The following CAPRIN1 variants were observed in gnomAD, a reference collection of about 807,000 sequenced individuals.
The protein encoded by CAPRIN1 is caprin-1.
A neutral mutation model predicts 100.9 loss-of-function variants in CAPRIN1; 29 were observed. That is an observed-to-expected ratio of 0.29 (90% CI 0.21 to 0.39). The LOEUF is 0.39. Ranked by LOEUF, CAPRIN1 falls within the 10% of genes least tolerant of loss-of-function variation. The pLI, the probability that CAPRIN1 is intolerant of heterozygous loss-of-function variation, is 1.00. For missense variants in CAPRIN1, 795 were observed against 876.7 expected, an observed-to-expected ratio of 0.91 and a Z score of 1.18; for synonymous variants, 338 against 307.5, an observed-to-expected ratio of 1.10 and a Z score of -1.04.
rs761029650 is a variant in CAPRIN1 at position 34,052,417 on chromosome 11, G to T, written c.1-4G>T. On this transcript the variant is annotated splice_polypyrimidine_tract_variant and splice_region_variant and intron_variant, in intron 1 of 18. Coordinates refer to ENST00000341394, the MANE Select transcript of CAPRIN1 (RefSeq NM_005898.5). ...TTTTTCTTCTCTCTCCTTGCGGTCT[G>T]AAGATGCCCTCGGCCACCAGCCACA... 7.5e-6 allele frequency: 12 copies of T among 1,605,824 alleles called. No homozygotes were observed. The African/African-American group carries it at 1.6e-4, about 22-fold the overall frequency.
intron 15 of CAPRIN1, among the ~76,000 whole-genome samples, chr11:34,094,547 A>C (rs1851328408): frequency 6.6e-6 from 1 of 151,812 alleles, no homozygotes; most frequent in Non-Finnish European, 1.5e-5. Context: ...GTGGTGGCTC[A>C]CGCCTGTAAT....
intron 1 of CAPRIN1, 149 bp downstream of exon 1, chr11:34,052,020 C>T (rs1850316697): frequency 6.6e-6 from 1 of 151,406 alleles, no homozygotes; most frequent in African/African-American, 2.4e-5. Flanking sequence ...CTTCTCTGCC[C>T]CCAAGCCCCG....
chr11:34,052,588 G>C lies in CAPRIN1; in HGVS notation c.168G>C (p.Gln56His). ...TGAVQTEAMK[Q>H]ILGVIDKKLR... Reference sequence around the variant, plus strand: ...CTGTCCAGACCGAGGCCATGAAGCAGATTCTCGGGGTGATCGACAAGAAAC... The same window carrying C: ...CTGTCCAGACCGAGGCCATGAAGCACATTCTCGGGGTGATCGACAAGAAAC... The change falls in exon 2 of 19, where the codon CAG becomes CAC. Residue 56 changes from glutamine (Q) to histidine (H), a missense_variant. Gln to His is a conservative substitution (Grantham distance 24, BLOSUM62 0). Coordinates refer to ENST00000341394, the MANE Select transcript of CAPRIN1 (RefSeq NM_005898.5). The C allele has an allele frequency of 1.9e-6, 3 of 1,611,302 alleles. No homozygotes were observed. Among genetic ancestry groups the C allele is most frequent in the Non-Finnish European group, 2.5e-6 (3 of 1,179,190 alleles).
In CAPRIN1 at chr11:34,099,621, C is replaced by T; in HGVS notation, c.*254C>T. ...TTGCACATGATACTCAGATTCCTCACCCTTGCTTAGGAGTAAAACAATATA... is the reference window on the plus strand; with the variant it reads ...TTGCACATGATACTCAGATTCCTCATCCTTGCTTAGGAGTAAAACAATATA... On this transcript the variant is annotated 3_prime_UTR_variant, in exon 19 of 19. Transcript: ENST00000341394. The T allele has an allele frequency of 2.0e-6, 1 of 488,648 alleles. No individual in the cohort carries two copies. Among genetic ancestry groups the T allele is most frequent in the Non-Finnish European group, 3.6e-6 (1 of 274,076 alleles). The allele number at this position is 488,648 out of a possible 1,614,324, so 30.3% of individuals were successfully genotyped here.
chr11:34,071,879 T>G, intron 3 of CAPRIN1, 22 bp from the exon 4 acceptor site: 1 of 1,604,570 alleles, frequency 6.2e-7, no homozygotes, highest in Non-Finnish European at 8.5e-7. Context: ...TCCAGTAAAG[T>G]TTGGGTTCTT....
At chr11:34,083,904 C>T (rs1417502164) in intron 9 of CAPRIN1, among the ~76,000 whole-genome samples, 2 of 152,028 alleles carry the variant, frequency 1.3e-5, no homozygotes, top group East Asian at 3.9e-4. Flanking sequence ...CCAGTCTCTA[C>T]TTCAAAAACA....
chr11:34,081,352 C>A (rs1227813653), intron 7 of CAPRIN1, among the ~76,000 whole-genome samples: 3 of 152,000 alleles, frequency 2.0e-5, no homozygotes, highest in Non-Finnish European at 4.4e-5. Flanking sequence ...AGGCGCATCA[C>A]CACACCAGGC....
At chr11:34,061,200 CTTTTTTTTTTTT>C (rs770158492) in intron 2 of CAPRIN1, among the ~76,000 whole-genome samples, 18 of 102,830 alleles carry the variant, frequency 1.8e-4, no homozygotes, top group Admixed American at 1.7e-3. Flanking sequence ...AGGTAACATC[CTTTTTTTTTTTT>C]TTTTTTTTTT....
rs563059940 is a variant in CAPRIN1 at position 34,059,493 on chromosome 11, C to T, written c.216+6857C>T. On this transcript the variant is annotated intron_variant, in intron 2 of 18. Coordinates refer to ENST00000341394, the MANE Select transcript of CAPRIN1 (RefSeq NM_005898.5). ...CCATGTTGGCCATGCTGGTCTTGAA[C>T]TCCTGACCTTGTGATCTGCCTGCCT... is the stretch of plus-strand genomic sequence containing the variant. Among the ~76,000 whole-genome samples the T allele has an allele frequency of 2.9e-3, 443 of 152,320 alleles. 2 individuals carry two copies. The highest frequency in any genetic ancestry group is 0.01 in the African/African-American group (434 of 41,572).
At chr11:34,066,113 C>G (rs1434297818) in intron 2 of CAPRIN1, among the ~76,000 whole-genome samples, 2 of 152,042 alleles carry the variant, frequency 1.3e-5, no homozygotes, top group African/African-American at 4.8e-5. Context: ...CCTCCTGGGA[C>G]TGCAGGTGCG....
intron 11 of CAPRIN1, among the ~76,000 whole-genome samples, chr11:34,088,796 A>G (rs992730681): frequency 2.8e-4 from 43 of 152,208 alleles, no homozygotes; most frequent in African/African-American, 8.0e-4. Context: ...AGTGCATTCT[A>G]TTAACATTTT....
intron 2 of CAPRIN1, 164 bp downstream of exon 2, chr11:34,052,800 C>T (rs1015712840): frequency 6.9e-7 from 1 of 1,447,696 alleles, no homozygotes. Flanking sequence ...TCAGCGGGAG[C>T]TTCGTGCCCA....
intron 6 of CAPRIN1, 120 bp from the exon 7 acceptor site, chr11:34,079,508 T>G: frequency 8.8e-6 from 5 of 565,000 alleles, no homozygotes; most frequent in Non-Finnish European, 1.5e-5. Context: ...TCTTTTTATG[T>G]GTATATGTGT....
chr11:34,072,117 C>A, intron 4 of CAPRIN1, 130 bp downstream of exon 4: 1 of 606,266 alleles, frequency 1.6e-6, no homozygotes, highest in Non-Finnish European at 2.9e-6. Context: ...AAGATGCCTT[C>A]ACATTCTGTA....
chr11:34,096,574 A>T lies in CAPRIN1; in HGVS notation c.1801A>T (p.Asn601Tyr). 6.2e-7 allele frequency: 1 copy of T among 1,614,130 alleles called. No homozygotes were observed. Among genetic ancestry groups the T allele is most frequent in the Admixed American group, 1.7e-5 (1 of 60,022 alleles). ...PQQNTGFPRS[N>Y]QPYYNSRGVS... ...GCAGAACACTGGATTTCCACGTAGC[A>T]ATCAGCCCTATTACAATAGTCGTGG... The change falls in exon 16 of 19, where the codon AAT becomes TAT. Residue 601 changes from asparagine to tyrosine, a missense_variant. Coordinates refer to ENST00000341394, the MANE Select transcript of CAPRIN1 (RefSeq NM_005898.5).
chr11:34,074,716 C>T (rs1415469362), intron 4 of CAPRIN1, among the ~76,000 whole-genome samples: 2 of 152,214 alleles, frequency 1.3e-5, no homozygotes, highest in Non-Finnish European at 2.9e-5. Flanking sequence ...AACCCTGTCT[C>T]TGCTAAAAAT....
chr11:34,092,145 T>A, intron 15 of CAPRIN1, 89 bp downstream of exon 15: 2 of 1,299,554 alleles, frequency 1.5e-6, no homozygotes, highest in Admixed American at 2.6e-5. Context: ...AGAGTGGTGG[T>A]GTCCAAGAGT....
intron 11 of CAPRIN1, among the ~76,000 whole-genome samples, chr11:34,088,673 A>G (rs1851198055): frequency 6.6e-6 from 1 of 151,758 alleles, no homozygotes; most frequent in Non-Finnish European, 1.5e-5. Context: ...ACCCTGTTTC[A>G]GAAGAAACAA....
At chr11:34,081,853 C>G (rs1851037494) in intron 7 of CAPRIN1, among the ~76,000 whole-genome samples, 1 of 151,406 alleles carries the variant, frequency 6.6e-6, no homozygotes, top group South Asian at 2.1e-4. Context: ...ACTCTGTCAC[C>G]CAGGCTGGAG....
Sources: allele counts gnomAD v4.1 joint callset (sites outside exome capture counted in the v4.1 genomes callset), GRCh38; gene constraint gnomAD v4.1.1; transcripts MANE v1.5; gene names NCBI Gene and HGNC (gene_info 2026-07-23, HGNC 2026-07-21).